The following MTUS2 variants were observed in gnomAD, a reference collection of about 807,000 sequenced individuals.
MTUS2 encodes the protein microtubule associated scaffold protein 2.
In MTUS2, 40 loss-of-function variants were observed where a neutral mutation model predicts 114.1. The observed-to-expected ratio is 0.35, with a 90% CI of 0.27 to 0.46. The LOEUF is 0.46. Ranked by LOEUF, MTUS2 falls within the 20% of genes least tolerant of loss-of-function variation. MTUS2 has a pLI of 1.00. For missense variants in MTUS2, 1,679 were observed against 1,705.4 expected (o/e 0.98, Z 0.27); for synonymous variants, 688 against 672.0 (o/e 1.02, Z -0.37).
chr13:29,141,185 G>A (rs1231481352), intron 5 of MTUS2, among the ~76,000 whole-genome samples: 1 of 152,178 alleles, frequency 6.6e-6, no homozygotes, highest in African/African-American at 2.4e-5. Context: ...GATAAGCACT[G>A]GAATACAGCA....
At chr13:28,980,034 T>TTGGC (rs1320431910) in intron 2 of MTUS2, among the ~76,000 whole-genome samples, 1 of 152,192 alleles carries the variant, frequency 6.6e-6, no homozygotes, top group Non-Finnish European at 1.5e-5. Context: ...GAAGGAACTT[T>TTGGC]CTTATGCTTA....
chr13:28,990,577 CTGTA>C (rs1884791784), intron 2 of MTUS2, among the ~76,000 whole-genome samples: 2 of 149,588 alleles, frequency 1.3e-5, no homozygotes, highest in East Asian at 4.0e-4. Context: ...AGTCAGCACT[CTGTA>C]AAAACGCACC....
chr13:29,145,676 C>T (rs1051609167), intron 5 of MTUS2, among the ~76,000 whole-genome samples: 6 of 152,162 alleles, frequency 3.9e-5, no homozygotes, highest in African/African-American at 1.4e-4. Context: ...CCACCCACCC[C>T]TGCCACCCCA....
chr13:29,003,339 G>T (rs567625054), intron 2 of MTUS2, among the ~76,000 whole-genome samples: 1 of 152,348 alleles, frequency 6.6e-6, no homozygotes, highest in South Asian at 2.1e-4. Flanking sequence ...AGTGCATCCA[G>T]CTGGCAAGTC....
chr13:29,283,595 A>G (rs998843677), intron 6 of MTUS2, among the ~76,000 whole-genome samples: 2 of 152,184 alleles, frequency 1.3e-5, no homozygotes, highest in African/African-American at 2.4e-5. Flanking sequence ...AGTGTCACCT[A>G]CAGGGCTTGT....
chr13:29,266,667 C>G lies in MTUS2; in HGVS notation c.2645-15037C>G, dbSNP rs181060147. On this transcript the variant is annotated intron_variant, in intron 5 of 15. Transcript: ENST00000612955. ...TATACATGGCCCACCTCGGTCATGC[C>G]CACTGTGACTACATTCCCAGGAGCA... 1.2e-4 allele frequency among the ~76,000 whole-genome samples: 19 copies of G among 152,216 alleles called. No individual in the cohort carries two copies. The East Asian group carries it at 3.3e-3, about 26-fold the overall frequency.
chr13:29,160,537 G>C (rs1413946904), intron 5 of MTUS2, among the ~76,000 whole-genome samples: 4 of 152,162 alleles, frequency 2.6e-5, no homozygotes, highest in Non-Finnish European at 5.9e-5. Flanking sequence ...TTGGGAGGCC[G>C]AGGCCGGCAG....
At position 29,389,430 on chromosome 13, in the gene MTUS2, C is replaced by A. The variant is rs1303681288; in HGVS notation, c.3117+29957C>A. On this transcript the variant is annotated intron_variant, in intron 8 of 15. Transcript: ENST00000612955. ...ATACACGTGTGTGTGTATGTATACA[C>A]GTGTGTGTATGTGTATGTATACACG... 4.0e-5 allele frequency among the ~76,000 whole-genome samples: 4 copies of A among 100,198 alleles called. 1 individual carries two copies. In the East Asian group the frequency reaches 1.1e-3, roughly 27 times the overall value. The allele number at this position is 100,198 out of a possible 152,430, so 65.7% of individuals were successfully genotyped here. A position where few individuals can be genotyped will look rare whatever the true frequency, so the allele number is the denominator to read the frequency against.
At chr13:29,004,258 C>G (rs1462783160) in intron 2 of MTUS2, among the ~76,000 whole-genome samples, 2 of 152,174 alleles carry the variant, frequency 1.3e-5, no homozygotes, top group Non-Finnish European at 2.9e-5. Context: ...GAAAACAATT[C>G]TTATCCATGT....
chr13:28,933,663 C>T (rs944406171), intron 2 of MTUS2, among the ~76,000 whole-genome samples: 20 of 152,192 alleles, frequency 1.3e-4, no homozygotes, highest in Non-Finnish European at 4.4e-5. Flanking sequence ...TGGGGCTTAG[C>T]GTCCAGTGAC....
intron 5 of MTUS2, among the ~76,000 whole-genome samples, chr13:29,145,971 C>G (rs910405700): frequency 2.0e-5 from 3 of 152,186 alleles, no homozygotes; most frequent in African/African-American, 4.8e-5. Context: ...GCACCTGACT[C>G]AGCCAACACT....
chr13:29,473,154 A>G (rs887108997), intron 9 of MTUS2, among the ~76,000 whole-genome samples: 10 of 152,066 alleles, frequency 6.6e-5, no homozygotes, highest in Non-Finnish European at 1.0e-4. Context: ...GGTAACATGT[A>G]TATATATTAT....
chr13:29,280,023 A>G (rs1898207579), intron 5 of MTUS2, among the ~76,000 whole-genome samples: 1 of 152,208 alleles, frequency 6.6e-6, no homozygotes, highest in Non-Finnish European at 1.5e-5. Context: ...GACATTAGAT[A>G]ATTACTTGTG....
intron 2 of MTUS2, among the ~76,000 whole-genome samples, chr13:28,997,867 A>G (rs1159173022): frequency 1.3e-5 from 2 of 152,196 alleles, no homozygotes; most frequent in East Asian, 3.8e-4. Context: ...GTGCCTTTTA[A>G]TTGGAGCATT....
rs1488405980 is a variant in MTUS2, at chr13:28,881,267, G to A, written c.-243+41417G>A. Among the ~76,000 whole-genome samples, 7 of 152,220 alleles carry A rather than the reference G, an allele frequency of 4.6e-5. No homozygotes were observed. In the East Asian group the frequency reaches 1.4e-3, roughly 29 times the overall value. On this transcript the variant is annotated intron_variant, in intron 2 of 15. Transcript: ENST00000612955. The stretch of plus-strand genomic sequence containing the variant: ...CTGAGTTATTTCACTTAGGATAATG[G>A]CCTCCAGTTGTATTCATGTTGCTGC...
chr13:29,077,631 C>T (rs2138715168), intron 4 of MTUS2, among the ~76,000 whole-genome samples: 1 of 152,296 alleles, frequency 6.6e-6, no homozygotes, highest in South Asian at 2.1e-4. Context: ...AGCCACAGTG[C>T]TCCAGCAGAT....
rs1881118233 is a variant in MTUS2, at chr13:29,480,918, C to G, written c.3399+554C>G. Among the ~76,000 whole-genome samples, 1 of 152,182 alleles carries G rather than the reference C, an allele frequency of 6.6e-6. No homozygotes were observed. The highest frequency in any genetic ancestry group is 1.5e-5 in the Non-Finnish European group (1 of 68,026). On this transcript the variant is annotated intron_variant, in intron 10 of 15. Coordinates refer to ENST00000612955, the MANE Select transcript of MTUS2 (RefSeq NM_001033602.4). This position sits in a 1 kb window ranked among gnomAD's most constrained non-coding sequence, Gnocchi z 4.4. ...GACTCATGTAGTCCTCACAGTTCCC[C>G]TAACGAGGAAGGTACCATTCTTATT...
At chr13:29,487,727 C>A in intron 10 of MTUS2, 173 bp from the exon 11 acceptor site, 2 of 622,990 alleles carry the variant, frequency 3.2e-6, no homozygotes, top group East Asian at 2.8e-5. Flanking sequence ...GCAGTGACCT[C>A]CCCGTGATTC....
At chr13:28,968,972 A>G (rs766807145) in intron 2 of MTUS2, among the ~76,000 whole-genome samples, 3 of 152,254 alleles carry the variant, frequency 2.0e-5, no homozygotes, top group Non-Finnish European at 4.4e-5. Context: ...GGCAAAATAT[A>G]GACTACAACT....
Sources: gnomAD v4.1 joint callset for allele counts (sites outside exome capture counted in the v4.1 genomes callset) on GRCh38, gnomAD v4.1.1 for gene constraint, Gnocchi (gnomAD v3.1) non-coding constraint, MANE v1.5 for transcripts, NCBI Gene and HGNC (gene_info 2026-07-23, HGNC 2026-07-21) for gene names.